SCOC: variants seen among roughly 807,000 people sequenced by gnomAD.
SCOC encodes short coiled coil protein.
SCOC carries 7 observed loss-of-function variants against 9.9 expected under a neutral mutation model. The observed-to-expected ratio is 0.71, with a 90% confidence interval of 0.40 to 1.33. The LOEUF is 1.33. SCOC is among the 40% of genes most tolerant of loss of function. The pLI, the probability that SCOC is intolerant of heterozygous loss-of-function variation, is 0.01. For missense variants in SCOC, 66 were observed against 89.7 expected (o/e 0.74, Z 1.07); for synonymous variants, 19 against 28.2 (o/e 0.67, Z 1.03).
intron 1 of SCOC, among the ~76,000 whole-genome samples, chr4:140,276,246 C>T (rs6832359): frequency 0.21 from 32,210 of 151,802 alleles, 6,564 homozygotes; most frequent in African/African-American, 0.52. Flanking sequence ...TCGTGATCCG[C>T]CCACCTCAGC....
chr4:140,287,985 A>G (rs1179277711), intron 1 of SCOC, among the ~76,000 whole-genome samples: 1 of 152,020 alleles, frequency 6.6e-6, no homozygotes, highest in East Asian at 1.9e-4. Context: ...CCACATGAAC[A>G]CATACTACAT....
intron 1 of SCOC, among the ~76,000 whole-genome samples, chr4:140,281,582 T>C (rs1468425532): frequency 6.6e-6 from 1 of 152,172 alleles, no homozygotes; most frequent in Non-Finnish European, 1.5e-5. Context: ...CCTCAGTCTT[T>C]TTCATCCTGG....
chr4:140,335,563 C>A (rs1203305766), intron 1 of SCOC, among the ~76,000 whole-genome samples: 2 of 152,130 alleles, frequency 1.3e-5, no homozygotes, highest in Admixed American at 1.3e-4. Context: ...AGAAAGAGAA[C>A]CTTTTATACC....
At chr4:140,299,490 GAAGCTAA>G (rs1731752605) in intron 1 of SCOC, among the ~76,000 whole-genome samples, 1 of 152,160 alleles carries the variant, frequency 6.6e-6, no homozygotes, top group Non-Finnish European at 1.5e-5. Flanking sequence ...CTTAAAGTTA[GAAGCTAA>G]ATAGAACACT....
chr4:140,381,424 A>G lies in SCOC; in HGVS notation c.*320A>G, dbSNP rs541786209. 74 of 171,388 alleles carry G rather than the reference A, an allele frequency of 4.3e-4. No individual in the cohort carries two copies. The highest frequency in any genetic ancestry group is 7.7e-4 in the Non-Finnish European group (62 of 80,520). The allele number at this position is 171,388 out of a possible 1,614,324, so 10.6% of individuals were successfully genotyped here. ...ATAGGATTAGTAAGATATACAAGAAAATAACCACCGTGTTGTGAAAAAGTG... is the reference window on the plus strand; with the variant it reads ...ATAGGATTAGTAAGATATACAAGAAGATAACCACCGTGTTGTGAAAAAGTG... On this transcript the variant is annotated 3_prime_UTR_variant, in exon 4 of 4. Coordinates refer to ENST00000608372, the MANE Select transcript of SCOC (RefSeq NM_001153484.2).
At chr4:140,287,118 CAT>C (rs1731297543) in intron 1 of SCOC, among the ~76,000 whole-genome samples, 1 of 152,068 alleles carries the variant, frequency 6.6e-6, no homozygotes, top group Non-Finnish European at 1.5e-5. Context: ...TATGTACACA[CAT>C]GCTACACACA....
At chr4:140,366,889 G>A (rs947110417) in intron 2 of SCOC, 18 of 693,654 alleles carry the variant, frequency 2.6e-5, no homozygotes, top group Non-Finnish European at 4.2e-5. Context: ...GAAGGAAGAA[G>A]GCCAGGTGCA....
rs151061466 is a variant in SCOC at position 140,319,308 on chromosome 4, C to T, written c.-18-24313C>T. On this transcript the variant is annotated intron_variant, in intron 1 of 4. Transcript: ENST00000394205. ...GTTTCTCCATGTTGGTCAGGCTGGT[C>T]TCACACTCCTGACATCAGGTGATCC... 1.6e-3 allele frequency among the ~76,000 whole-genome samples: 247 copies of T among 152,220 alleles called. 1 individual carries two copies. Among genetic ancestry groups the T allele is most frequent in the African/African-American group, 5.9e-3 (243 of 41,530 alleles).
intron 2 of SCOC, among the ~76,000 whole-genome samples, chr4:140,359,253 A>G (rs1229065150): frequency 1.3e-5 from 2 of 152,150 alleles, no homozygotes; most frequent in African/African-American, 4.8e-5. Flanking sequence ...CTGTGTATCC[A>G]AGGTGGCTCA....
intron 1 of SCOC, among the ~76,000 whole-genome samples, chr4:140,270,837 TA>T (rs1730828476): frequency 6.6e-6 from 1 of 152,116 alleles, no homozygotes; most frequent in Non-Finnish European, 1.5e-5. Context: ...AGAATTAGAA[TA>T]AAAAGACCTG....
At chr4:140,310,275 C>G (rs974905190) in intron 1 of SCOC, among the ~76,000 whole-genome samples, 6 of 152,174 alleles carry the variant, frequency 3.9e-5, no homozygotes, top group South Asian at 2.1e-4. Flanking sequence ...ATTAAAGGCT[C>G]TTTAAAGATG....
At chr4:140,313,973 C>CA (rs1460151521) in intron 1 of SCOC, among the ~76,000 whole-genome samples, 4 of 151,938 alleles carry the variant, frequency 2.6e-5, no homozygotes, top group African/African-American at 9.7e-5. Flanking sequence ...ACTAAAAATA[C>CA]AAAAAATTAG....
At chr4:140,321,707 A>T (rs1732505467) in intron 1 of SCOC, among the ~76,000 whole-genome samples, 1 of 152,128 alleles carries the variant, frequency 6.6e-6, no homozygotes, top group Non-Finnish European at 1.5e-5. Context: ...AATATTAGAC[A>T]GTCTAACATA....
chr4:140,337,228 A>G (rs539275295), intron 1 of SCOC, among the ~76,000 whole-genome samples: 1 of 152,288 alleles, frequency 6.6e-6, no homozygotes, highest in African/African-American at 2.4e-5. Context: ...GATGCACAAA[A>G]GTTTTTAATT....
chr4:140,275,776 G>A, intron 1 of SCOC, among the ~76,000 whole-genome samples: 1 of 151,216 alleles, frequency 6.6e-6, no homozygotes, highest in Non-Finnish European at 1.5e-5. Flanking sequence ...ATATTAGGGA[G>A]GGTACCCAAC....
At position 140,272,082 on chromosome 4, in the gene SCOC, G is replaced by A. The variant is rs183670200; in HGVS notation, c.-19+14672G>A. ...CTTTTTTTTTTTTTTTTTGAGACAG[G>A]GTCTTGCTCTGTCACCCAGGCTGAA... is the stretch of plus-strand genomic sequence containing the variant. On this transcript the variant is annotated intron_variant, in intron 1 of 4. Coordinates refer to the SCOC transcript ENST00000394205. Among the ~76,000 whole-genome samples the A allele has an allele frequency of 6.2e-3, 936 of 150,472 alleles. 10 individuals carry two copies. The highest frequency in any genetic ancestry group is 0.022 in the African/African-American group (887 of 40,904).
At chr4:140,271,125 G>A (rs939289339) in intron 1 of SCOC, among the ~76,000 whole-genome samples, 22 of 152,214 alleles carry the variant, frequency 1.4e-4, no homozygotes, top group Non-Finnish European at 2.9e-5. Flanking sequence ...ATGAGAAGGA[G>A]GAGGGATTGC....
intron 1 of SCOC, among the ~76,000 whole-genome samples, chr4:140,299,551 T>C (rs1731754082): frequency 6.6e-6 from 1 of 152,236 alleles, no homozygotes; most frequent in African/African-American, 2.4e-5. Context: ...CTCAAATCTG[T>C]GATTCAACTG....
At chr4:140,350,375 A>C (rs1726925164) in intron 2 of SCOC, among the ~76,000 whole-genome samples, 1 of 152,242 alleles carries the variant, frequency 6.6e-6, no homozygotes, top group African/African-American at 2.4e-5. Flanking sequence ...CTTTTGATTA[A>C]AGAATTCTGA....
Sources: allele counts gnomAD v4.1 joint callset (sites outside exome capture counted in the v4.1 genomes callset), GRCh38; gene constraint gnomAD v4.1.1; transcripts MANE v1.5; gene names NCBI Gene and HGNC (gene_info 2026-07-23, HGNC 2026-07-21).